SLC2A13: variants seen among roughly 807,000 people sequenced by gnomAD.
SLC2A13 encodes proton myo-inositol cotransporter.
A neutral mutation model predicts 64.4 loss-of-function variants in SLC2A13; 32 were observed. That is an observed-to-expected ratio of 0.50 (90% CI 0.37 to 0.67). The LOEUF (loss-of-function observed/expected upper bound fraction) is 0.67. Among genes scored for constraint, SLC2A13 ranks in the 30% least tolerant of loss-of-function variants. The pLI, the probability that SLC2A13 is intolerant of heterozygous loss-of-function variation, is 0.00. For missense variants in SLC2A13, 743 were observed against 829.2 expected (o/e 0.90, Z 1.28); for synonymous variants, 338 against 327.1 (o/e 1.03, Z -0.36).
At chr12:39,839,453 A>T (rs953139042) in intron 6 of SLC2A13, among the ~76,000 whole-genome samples, 3 of 152,086 alleles carry the variant, frequency 2.0e-5, no homozygotes, top group Non-Finnish European at 2.9e-5. Context: ...GAAGCAAATT[A>T]TCCTCTCCAC....
chr12:40,084,495 A>G (rs1008526058), intron 1 of SLC2A13, among the ~76,000 whole-genome samples: 8 of 152,344 alleles, frequency 5.3e-5, no homozygotes, highest in Non-Finnish European at 1.2e-4. Context: ...GGCTGGCTCA[A>G]ATAACAAAAT....
intron 7 of SLC2A13, among the ~76,000 whole-genome samples, chr12:39,811,476 C>T (rs1256399983): frequency 1.3e-5 from 2 of 152,180 alleles, no homozygotes; most frequent in Admixed American, 1.3e-4. Flanking sequence ...ATTGCTTTAG[C>T]TGTCCCCTGA....
intron 1 of SLC2A13, among the ~76,000 whole-genome samples, chr12:40,098,722 A>C (rs1449076882): frequency 6.6e-6 from 1 of 152,220 alleles, no homozygotes; most frequent in East Asian, 1.9e-4. Context: ...TTCTGCCTAA[A>C]TATCCTTATC....
intron 6 of SLC2A13, among the ~76,000 whole-genome samples, chr12:39,837,828 A>C (rs942138422): frequency 4.6e-5 from 7 of 152,054 alleles, no homozygotes; most frequent in Non-Finnish European, 1.0e-4. Flanking sequence ...AATCATTAAA[A>C]AGTCAGGAAA....
rs1191399917 is a variant in SLC2A13 at position 39,900,636 on chromosome 12, G to A, written c.1035-28675C>T. On this transcript the variant is annotated intron_variant, in intron 4 of 9. Coordinates refer to ENST00000280871, the MANE Select transcript of SLC2A13 (RefSeq NM_052885.4). The stretch of plus-strand genomic sequence containing the variant: ...CCTAGGAATCCAACTTACAAGGGAC[G>A]TGAAGGACCTCTTCAAGGAGAACCA... Among the ~76,000 whole-genome samples the A allele has an allele frequency of 5.9e-5, 9 of 152,132 alleles. No homozygotes were observed. In the South Asian group the frequency reaches 6.2e-4, roughly 10 times the overall value.
chr12:39,882,807 C>T (rs1463981837), intron 4 of SLC2A13, among the ~76,000 whole-genome samples: 1 of 152,216 alleles, frequency 6.6e-6, no homozygotes, highest in African/African-American at 2.4e-5. Context: ...TTTCCTTCTA[C>T]TTTTCCCCAG....
chr12:39,942,686 TG>T (rs1946054655), intron 4 of SLC2A13, among the ~76,000 whole-genome samples: 1 of 152,210 alleles, frequency 6.6e-6, no homozygotes, highest in African/African-American at 2.4e-5. Context: ...ATAGCTTCCT[TG>T]CATCGGGTGA....
rs1176871620 is a variant in SLC2A13, at chr12:39,895,613, CAT to C, written c.1035-23654_1035-23653del. 3.5e-5 allele frequency among the ~76,000 whole-genome samples: 4 copies of C among 113,224 alleles called. 2 individuals are homozygous for C. The Admixed American group carries it at 3.7e-4, about 11-fold the overall frequency. The allele number at this position is 113,224 out of a possible 152,430, so 74.3% of individuals were successfully genotyped here. ...ATATATGTGTATATACGTATATACACATATATACGTACACACATATGTATATG... is the reference window on the plus strand; with the variant it reads ...ATATATGTGTATATACGTATATACACATATACGTACACACATATGTATATG... On this transcript the variant is annotated intron_variant, in intron 4 of 9. Coordinates refer to ENST00000280871, the MANE Select transcript of SLC2A13 (RefSeq NM_052885.4).
chr12:40,007,211 T>G lies in SLC2A13; in HGVS notation c.925+21090A>C, dbSNP rs185767162. On this transcript the variant is annotated intron_variant, in intron 3 of 9. Coordinates refer to ENST00000280871, the MANE Select transcript of SLC2A13 (RefSeq NM_052885.4). ...GCGAGAAGGGAACTCATTCATAATT[T>G]TCTATTAGAAACAGTGATGGAATTG... 3.2e-4 allele frequency among the ~76,000 whole-genome samples: 49 copies of G among 152,346 alleles called. 1 individual carries two copies. Among genetic ancestry groups the G allele is most frequent in the Admixed American group, 3.1e-3 (47 of 15,308 alleles).
At chr12:39,860,342 C>T (rs1406584135) in intron 6 of SLC2A13, among the ~76,000 whole-genome samples, 1 of 152,118 alleles carries the variant, frequency 6.6e-6, no homozygotes, top group Non-Finnish European at 1.5e-5. Context: ...GAGATACTGC[C>T]CAATTGATTA....
intron 3 of SLC2A13, among the ~76,000 whole-genome samples, chr12:40,007,587 G>T (rs1211266950): frequency 6.6e-6 from 1 of 152,098 alleles, no homozygotes; most frequent in African/African-American, 2.4e-5. Flanking sequence ...ATGGAAAAGG[G>T]TATCCTTATA....
rs567332686 is a variant in SLC2A13, at chr12:39,898,468, C to G, written c.1035-26507G>C. 8.7e-4 allele frequency among the ~76,000 whole-genome samples: 132 copies of G among 151,162 alleles called. 1 individual carries two copies. Among genetic ancestry groups the G allele is most frequent in the Middle Eastern group, 3.4e-3 (1 of 294 alleles). On this transcript the variant is annotated intron_variant, in intron 4 of 9. Transcript: ENST00000280871. ...CATTTGGAGAATGACATACCATATT[C>G]TGCCACTCAGTAGTTCTATAGTAGC...
intron 4 of SLC2A13, 55 bp from the exon 5 acceptor site, chr12:39,872,016 T>A (rs1944069400): frequency 7.1e-7 from 1 of 1,404,126 alleles, no homozygotes; most frequent in South Asian, 1.8e-5. Flanking sequence ...AGAAACAGGG[T>A]TATTTTGATA....
chr12:40,035,919 T>A (rs1290578371), intron 2 of SLC2A13, among the ~76,000 whole-genome samples: 1 of 152,222 alleles, frequency 6.6e-6, no homozygotes, highest in African/African-American at 2.4e-5. Context: ...TTAAGTAGTT[T>A]TAAACTGCAT....
At chr12:39,817,521 A>G (rs1051977398) in intron 7 of SLC2A13, among the ~76,000 whole-genome samples, 8 of 152,208 alleles carry the variant, frequency 5.3e-5, no homozygotes, top group African/African-American at 1.9e-4. Context: ...TTGCATCATA[A>G]AACACCAAAC....
chr12:39,909,852 A>C (rs997219581), intron 4 of SLC2A13, among the ~76,000 whole-genome samples: 1 of 149,984 alleles, frequency 6.7e-6, no homozygotes, highest in Non-Finnish European at 1.5e-5. Context: ...TACTCTTCTT[A>C]CAGTTTGTTT....
At chr12:39,912,050 A>T (rs534899191) in intron 4 of SLC2A13, among the ~76,000 whole-genome samples, 2 of 152,178 alleles carry the variant, frequency 1.3e-5, no homozygotes, top group South Asian at 4.1e-4. Context: ...ATTTGGAACC[A>T]GGTAGAAATG....
chr12:39,951,790 C>T (rs545822880), intron 3 of SLC2A13, among the ~76,000 whole-genome samples: 89 of 152,176 alleles, frequency 5.8e-4, no homozygotes, highest in African/African-American at 2.0e-3. Context: ...CTTTAATCAA[C>T]CGTAAGAAAA....
intron 1 of SLC2A13, among the ~76,000 whole-genome samples, chr12:40,068,752 T>C (rs1052560010): frequency 6.9e-6 from 1 of 145,560 alleles, no homozygotes; most frequent in Non-Finnish European, 1.5e-5. Flanking sequence ...AATTTAAAAA[T>C]AACATACTCT....
Sources: allele counts gnomAD v4.1 joint callset (sites outside exome capture counted in the v4.1 genomes callset), GRCh38; gene constraint gnomAD v4.1.1; transcripts MANE v1.5; gene names NCBI Gene and HGNC (gene_info 2026-07-23, HGNC 2026-07-21).